The following PPM1H variants were observed in gnomAD, a reference collection of about 807,000 sequenced individuals.
PPM1H encodes the protein protein phosphatase 1H.
Under a neutral mutation model 54.9 loss-of-function variants are expected in PPM1H, and 27 were observed. The ratio of observed to expected loss-of-function variants is 0.49; its 90% CI spans 0.36 to 0.68. The LOEUF (loss-of-function observed/expected upper bound fraction) is 0.68, where lower values mean the gene tolerates loss of function less well. PPM1H is among the 30% of genes least tolerant of loss of function. The pLI is 0.00. For missense variants in PPM1H, 596 were observed against 667.8 expected (o/e 0.89, Z 1.19); for synonymous variants, 305 against 270.8 (o/e 1.13, Z -1.24).
intron 1 of PPM1H, among the ~76,000 whole-genome samples, chr12:62,925,645 C>T (rs767706075): frequency 5.9e-5 from 9 of 152,186 alleles, no homozygotes; most frequent in Non-Finnish European, 1.0e-4. Context: ...AGGTTTATAC[C>T]CCTGTGGCTG....
At chr12:62,869,955 C>T (rs943820360) in intron 1 of PPM1H, among the ~76,000 whole-genome samples, 1 of 152,054 alleles carries the variant, frequency 6.6e-6, no homozygotes, top group African/African-American at 2.4e-5. Context: ...CTTCCCAATC[C>T]TTCATCGAGG....
chr12:62,733,215 T>C (rs959913427), intron 5 of PPM1H, among the ~76,000 whole-genome samples: 1 of 152,076 alleles, frequency 6.6e-6, no homozygotes, highest in Non-Finnish European at 1.5e-5. Context: ...GAAATCCACA[T>C]CACACTCCTA....
chr12:62,666,888 AT>A (rs2136611819), intron 9 of PPM1H, among the ~76,000 whole-genome samples: 1 of 152,104 alleles, frequency 6.6e-6, no homozygotes, highest in East Asian at 1.9e-4. Context: ...TAATTTTTGT[AT>A]TTTTAGTAGA....
intron 1 of PPM1H, among the ~76,000 whole-genome samples, chr12:62,856,736 G>A (rs554036159): frequency 1.6e-4 from 24 of 152,104 alleles, no homozygotes; most frequent in Admixed American, 9.2e-4. Context: ...CTTTGTCAAC[G>A]TTTTAAAAAT....
chr12:62,796,884 A>G (rs935807859), intron 3 of PPM1H, among the ~76,000 whole-genome samples: 1 of 152,208 alleles, frequency 6.6e-6, no homozygotes, highest in Non-Finnish European at 1.5e-5. Context: ...GTGTGATTCT[A>G]CTTAGTTGCA....
intron 1 of PPM1H, among the ~76,000 whole-genome samples, chr12:62,929,199 T>C (rs533742572): frequency 2.0e-5 from 3 of 152,342 alleles, no homozygotes; most frequent in Admixed American, 2.0e-4. Flanking sequence ...GATTATGCTA[T>C]AAAATTTTCT....
rs758529074 is a variant in PPM1H, at chr12:62,645,714, C to T, written c.*2775G>A. On this transcript the variant is annotated 3_prime_UTR_variant, in exon 10 of 10. Transcript: ENST00000228705. ...TTCATTAAAGTAGCCACACACCCCTCGAGACAACCATAAAGACTTGACTAG... is the reference window on the plus strand; with the variant it reads ...TTCATTAAAGTAGCCACACACCCCTTGAGACAACCATAAAGACTTGACTAG... 10 of 152,172 alleles carry T rather than the reference C, an allele frequency of 6.6e-5. No homozygotes were observed. The highest frequency in any genetic ancestry group is 6.2e-4 in the South Asian group (3 of 4,826). The allele number at this position is 152,172 out of a possible 1,614,324, so 9.4% of individuals were successfully genotyped here. A position where few individuals can be genotyped will look rare whatever the true frequency, so the allele number is the denominator to read the frequency against.
At chr12:62,833,412 TAC>T (rs1565803516) in intron 1 of PPM1H, among the ~76,000 whole-genome samples, 1 of 152,146 alleles carries the variant, frequency 6.6e-6, no homozygotes, top group Non-Finnish European at 1.5e-5. Context: ...GCAAAAATAG[TAC>T]AGAGTCCCAT....
At chr12:62,892,914 A>G (rs146169343) in intron 1 of PPM1H, among the ~76,000 whole-genome samples, 91 of 152,326 alleles carry the variant, frequency 6.0e-4, no homozygotes, top group African/African-American at 2.0e-3. Flanking sequence ...TAGACATGCC[A>G]TTCCTCCCAT....
At chr12:62,746,687 A>T (rs1380418645) in intron 4 of PPM1H, among the ~76,000 whole-genome samples, 1 of 152,162 alleles carries the variant, frequency 6.6e-6, no homozygotes, top group East Asian at 1.9e-4. Flanking sequence ...AGCAAAACTC[A>T]ACTTACACTG....
chr12:62,704,248 G>C (rs531152451), intron 6 of PPM1H, among the ~76,000 whole-genome samples: 2 of 152,264 alleles, frequency 1.3e-5, no homozygotes, highest in South Asian at 4.2e-4. Context: ...CCCAGGGTGA[G>C]TCTGAAGAGG....
chr12:62,775,763 C>T (rs1031545029), intron 4 of PPM1H, among the ~76,000 whole-genome samples: 2 of 152,222 alleles, frequency 1.3e-5, no homozygotes, highest in Admixed American at 1.3e-4. Context: ...GTTTGCACCT[C>T]CTCTGCCTCA....
chr12:62,797,161 T>G (rs1292516406), intron 3 of PPM1H, among the ~76,000 whole-genome samples: 2 of 152,080 alleles, frequency 1.3e-5, no homozygotes. Flanking sequence ...GAATTCTGAT[T>G]CCACATTGTT....
chr12:62,759,005 G>A (rs1260779475), intron 4 of PPM1H, among the ~76,000 whole-genome samples: 1 of 152,064 alleles, frequency 6.6e-6, no homozygotes, highest in African/African-American at 2.4e-5. Flanking sequence ...AATATACTTT[G>A]TGAGATCCAC....
At chr12:62,840,011 A>G (rs1868671586) in intron 1 of PPM1H, 2 of 151,692 alleles carry the variant, frequency 1.3e-5, no homozygotes, top group Admixed American at 1.3e-4. Flanking sequence ...ACCATACTCT[A>G]GTCTGGATGA....
chr12:62,695,711 G>A (rs1350450595), intron 6 of PPM1H, among the ~76,000 whole-genome samples: 1 of 152,120 alleles, frequency 6.6e-6, no homozygotes, highest in East Asian at 1.9e-4. Context: ...GTGCAGCCAA[G>A]GTTGAGATCC....
At chr12:62,697,335 C>T (rs1201169475) in intron 6 of PPM1H, among the ~76,000 whole-genome samples, 1 of 152,082 alleles carries the variant, frequency 6.6e-6, no homozygotes, top group Non-Finnish European at 1.5e-5. Context: ...CCAGGCTGGT[C>T]CTGAACTCCT....
At chr12:62,817,168 A>C (rs2076874405) in intron 2 of PPM1H, among the ~76,000 whole-genome samples, 1 of 148,868 alleles carries the variant, frequency 6.7e-6, no homozygotes, top group Admixed American at 6.7e-5. Context: ...AAAGAAAAAA[A>C]AAAAAAAAAA....
rs1289023252 is a variant in PPM1H, at chr12:62,648,580, C to T, written c.1454G>A (p.Arg485Lys). Residue 485 changes from arginine to lysine, a missense_variant, in exon 10 of 10, where the codon AGA becomes AAA. Around this residue, in one of 3 missense-constraint regions of PPM1H, gnomAD observed 208 missense variants for 259.5 expected, o/e 0.80. Transcript: ENST00000228705. Reference protein sequence around the residue: ...VMRARGVLKDRGWRISNDRLG... With the variant: ...VMRARGVLKDKGWRISNDRLG... ...TCGGTCATTAGATATCCGCCATCCT[C>T]TGTCCTTCAGCACACCCCGGGCACG... 2 of 1,613,988 alleles carry T rather than the reference C, an allele frequency of 1.2e-6. No homozygotes were observed. Among genetic ancestry groups the T allele is most frequent in the African/African-American group, 1.3e-5 (1 of 75,034 alleles).
Sources: gnomAD v4.1 joint callset for allele counts (sites outside exome capture counted in the v4.1 genomes callset) on GRCh38, gnomAD v4.1.1 for gene constraint, gnomAD v4.1.1 regional missense constraint, MANE v1.5 for transcripts, NCBI Gene and HGNC (gene_info 2026-07-23, HGNC 2026-07-21) for gene names.